Variants in MYOF observed in about 807,000 individuals in gnomAD.
MYOF encodes fer-1-like 3, myoferlin.
Under a neutral mutation model 284.2 loss-of-function variants are expected in MYOF, and 244 were observed. The observed-to-expected ratio is 0.86, with a 90% confidence interval of 0.77 to 0.95. The LOEUF (loss-of-function observed/expected upper bound fraction) is 0.95, where lower values mean the gene tolerates loss of function less well. MYOF is among the 40% of genes least tolerant of loss of function. The pLI, the probability that MYOF is intolerant of heterozygous loss-of-function variation, is 0.00. For missense variants in MYOF, 2,496 were observed against 2,560.6 expected, an observed-to-expected ratio of 0.97 and a Z score of 0.54; for synonymous variants, 904 against 919.7, an observed-to-expected ratio of 0.98 and a Z score of 0.31.
intron 41 of MYOF, among the ~76,000 whole-genome samples, chr10:93,334,221 A>G (rs1843489990): frequency 1.3e-5 from 2 of 152,146 alleles, no homozygotes; most frequent in African/African-American, 4.8e-5. Context: ...CATTCTTTGA[A>G]GATAGGAATA....
chr10:93,446,193 G>A (rs61867762), intron 3 of MYOF, among the ~76,000 whole-genome samples: 4 of 142,086 alleles, frequency 2.8e-5, no homozygotes, highest in East Asian at 1.9e-4. Context: ...CAGAGCTGAC[G>A]CAGGGTCGGC....
In MYOF at chr10:93,347,692, A is replaced by T. The variant is rs774710330; in HGVS notation, c.4174T>A (p.Cys1392Ser). Reference protein sequence around the residue: ...QFGRKPVVGQCTIERLDRFRC... With the variant: ...QFGRKPVVGQSTIERLDRFRC... ...AAGCGGTCCAGGCGCTCGATGGTGC[A>T]CTGGCCGACGACAGGCTTCCGCCCA... Residue 1392 changes from cysteine to serine, a missense_variant, in exon 37 of 54, where the codon TGC (cysteine) becomes AGC (serine). Cys to Ser is a moderately radical substitution (Grantham distance 112). This residue lies in a region of MYOF where 2,436 missense variants were observed against 2,480.7 expected (regional missense o/e 0.98). Transcript: ENST00000359263. 6.2e-7 allele frequency: 1 copy of T among 1,613,976 alleles called. No individual in the cohort carries two copies. Among genetic ancestry groups the T allele is most frequent in the Admixed American group, 1.7e-5 (1 of 60,010 alleles).
In MYOF at chr10:93,351,817, G is replaced by C. The variant is rs529445117; in HGVS notation, c.3511C>G (p.Arg1171Gly). 13 of 1,586,872 alleles carry C rather than the reference G, an allele frequency of 8.2e-6. No individual in the cohort carries two copies. The highest frequency in any genetic ancestry group is 1.2e-5 in the South Asian group (1 of 85,646). ...DPYAHICFLH[R>G]SKTTEIIHST... ...TGGATGATCTCAGTGGTTTTGCTCCGATGGAGGAAACAGATATGAGCATAT... is the reference window on the plus strand; with the variant it reads ...TGGATGATCTCAGTGGTTTTGCTCCCATGGAGGAAACAGATATGAGCATAT... The change falls in exon 33 of 54, where the codon CGG (arginine) becomes GGG (glycine). Residue 1171 changes from arginine to glycine, a missense_variant. By Grantham distance (125) the Arg-to-Gly change is moderately radical. Coordinates refer to ENST00000359263, the MANE Select transcript of MYOF (RefSeq NM_013451.4).
intron 22 of MYOF, 56 bp from the exon 23 acceptor site, chr10:93,375,011 G>A (rs950179153): frequency 6.7e-7 from 1 of 1,502,684 alleles, no homozygotes; most frequent in Non-Finnish European, 9.0e-7. Context: ...CTAATTTTAG[G>A]CTTCAGAACT....
chr10:93,306,726 A>C lies in MYOF; in HGVS notation c.*237T>G. 4 of 470,248 alleles carry C rather than the reference A, an allele frequency of 8.5e-6. No individual in the cohort carries two copies. Among genetic ancestry groups the C allele is most frequent in the Non-Finnish European group, 1.5e-5 (4 of 269,728 alleles). 29.1% of individuals were successfully genotyped at this position (470,248 alleles called of 1,614,324 possible). ...CACCTTGAAAAATATTTTGAAAAAC[A>C]TGATTTAAACTTTAGAAAATAAAAC... On this transcript the variant is annotated 3_prime_UTR_variant, in exon 54 of 54. Transcript: ENST00000359263.
intron 36 of MYOF, 113 bp from the exon 37 acceptor site, chr10:93,347,895 C>T (rs887340490): frequency 4.8e-6 from 5 of 1,047,424 alleles, no homozygotes; most frequent in African/African-American, 1.6e-5. Flanking sequence ...CCAGAGGACT[C>T]GCAATAGTTC....
chr10:93,416,383 G>T (rs1848122055), intron 5 of MYOF, among the ~76,000 whole-genome samples: 1 of 151,848 alleles, frequency 6.6e-6, no homozygotes, highest in Non-Finnish European at 1.5e-5. Context: ...AATTAGCCAG[G>T]TGTGGTGGCA....
chr10:93,378,693 G>GTGTGTGTGTGTATATATATATATATATA, intron 21 of MYOF, among the ~76,000 whole-genome samples: 18 of 87,888 alleles, frequency 2.0e-4, no homozygotes, highest in South Asian at 1.1e-3. Flanking sequence ...GTGTGTGTGT[G>GTGTGTGTGTGTATATATATATATATATA]TATATATATA....
chr10:93,381,471 G>T, intron 19 of MYOF, 75 bp from the exon 20 acceptor site: 3 of 1,431,600 alleles, frequency 2.1e-6, no homozygotes, highest in Non-Finnish European at 2.9e-6. Flanking sequence ...TCTAGGAGAC[G>T]CAATTCTACA....
intron 16 of MYOF, among the ~76,000 whole-genome samples, chr10:93,394,136 C>A (rs1846836131): frequency 6.6e-6 from 1 of 152,146 alleles, no homozygotes; most frequent in Non-Finnish European, 1.5e-5. Context: ...GGGTCTTGCT[C>A]TGTTGTCCAG....
At chr10:93,446,592 G>C (rs903354871) in intron 3 of MYOF, among the ~76,000 whole-genome samples, 1 of 151,922 alleles carries the variant, frequency 6.6e-6, no homozygotes, top group Admixed American at 6.6e-5. Context: ...CCCAGCAAAT[G>C]TCAGGGGGAT....
At chr10:93,336,638 G>A (rs964110447) in intron 40 of MYOF, among the ~76,000 whole-genome samples, 2 of 152,178 alleles carry the variant, frequency 1.3e-5, no homozygotes, top group Non-Finnish European at 2.9e-5. Flanking sequence ...GGAATGTTCT[G>A]TCTTGTTTTG....
chr10:93,427,561 C>T (rs1411902463), intron 4 of MYOF, among the ~76,000 whole-genome samples: 1 of 134,416 alleles, frequency 7.4e-6, no homozygotes, highest in South Asian at 2.4e-4. Context: ...AAGTGACTAA[C>T]AAAACATGTA....
chr10:93,344,558 T>G (rs2133861429), intron 37 of MYOF, among the ~76,000 whole-genome samples: 1 of 150,120 alleles, frequency 6.7e-6, no homozygotes, highest in South Asian at 2.1e-4. Context: ...AAACAGAAAA[T>G]AAAGAAGAGA....
intron 7 of MYOF, 137 bp downstream of exon 7, chr10:93,408,650 G>T: frequency 8.5e-7 from 1 of 1,179,634 alleles, no homozygotes; most frequent in South Asian, 1.6e-5. Context: ...CCTGCCATGC[G>T]TTCACATGGT....
chr10:93,380,675 C>T (rs2133999478), intron 20 of MYOF, among the ~76,000 whole-genome samples: 1 of 152,272 alleles, frequency 6.6e-6, no homozygotes, highest in East Asian at 1.9e-4. Context: ...TCCTTAAAAT[C>T]AGGGACTGTT....
At chr10:93,317,401 G>A (rs1017130458) in intron 49 of MYOF, among the ~76,000 whole-genome samples, 1 of 151,952 alleles carries the variant, frequency 6.6e-6, no homozygotes, top group African/African-American at 2.4e-5. Context: ...ACTTTGGGAG[G>A]CCGAGGGGGT....
At chr10:93,406,291 TATA>T (rs1847577559) in intron 7 of MYOF, among the ~76,000 whole-genome samples, 1 of 69,268 alleles carries the variant, frequency 1.4e-5, no homozygotes, top group Admixed American at 1.7e-4. Context: ...ACCTCTTTTA[TATA>T]TATATATATA....
At chr10:93,379,831 T>A (rs764681720) in intron 21 of MYOF, 32 bp downstream of exon 21, 3 of 1,611,446 alleles carry the variant, frequency 1.9e-6, no homozygotes, top group Non-Finnish European at 1.7e-6. Flanking sequence ...CCCTGCTTGG[T>A]GAAAAGGAAA....
Sources: gnomAD v4.1 joint callset for allele counts (sites outside exome capture counted in the v4.1 genomes callset) on GRCh38, gnomAD v4.1.1 for gene constraint, gnomAD v4.1.1 regional missense constraint, MANE v1.5 for transcripts, NCBI Gene and HGNC (gene_info 2026-07-23, HGNC 2026-07-21) for gene names.